Variants in TSHZ2 observed in about 807,000 individuals in gnomAD.
The protein encoded by TSHZ2 is teashirt homolog 2.
Under a neutral mutation model 74.4 loss-of-function variants are expected in TSHZ2, and 21 were observed. The observed-to-expected ratio is 0.28, with a 90% CI of 0.20 to 0.41. TSHZ2 has a LOEUF of 0.41. Ranked by LOEUF, TSHZ2 falls within the 10% of genes least tolerant of loss-of-function variation. The pLI is 1.00. For synonymous variants in TSHZ2, 540 were observed against 515.3 expected, an observed-to-expected ratio of 1.05 and a Z score of -0.65; for missense variants, 1,244 against 1,293.5, an observed-to-expected ratio of 0.96 and a Z score of 0.59.
intron 1 of TSHZ2, among the ~76,000 whole-genome samples, chr20:53,142,805 C>A (rs562736000): frequency 6.7e-6 from 1 of 148,524 alleles, no homozygotes; most frequent in Non-Finnish European, 1.5e-5. Context: ...ACCCACAAGC[C>A]GGTAACAGTA....
At chr20:53,057,568 A>ACTT (rs529876438) in intron 1 of TSHZ2, among the ~76,000 whole-genome samples, 2 of 152,258 alleles carry the variant, frequency 1.3e-5, no homozygotes, top group Non-Finnish European at 2.9e-5. Flanking sequence ...TATAATCATA[A>ACTT]CTTCTTTTTA....
At chr20:53,309,677 G>T (rs930682059) in intron 2 of TSHZ2, among the ~76,000 whole-genome samples, 6 of 152,166 alleles carry the variant, frequency 3.9e-5, no homozygotes, top group Non-Finnish European at 8.8e-5. Flanking sequence ...TAATATTGCT[G>T]CTTCTTCAAC....
At chr20:53,128,057 C>G (rs1048192716) in intron 1 of TSHZ2, among the ~76,000 whole-genome samples, 1 of 152,034 alleles carries the variant, frequency 6.6e-6, no homozygotes, top group Non-Finnish European at 1.5e-5. Flanking sequence ...AATCGTAAAA[C>G]TTGTTGTAAT....
intron 2 of TSHZ2, among the ~76,000 whole-genome samples, chr20:53,305,190 G>A (rs917685525): frequency 6.6e-6 from 1 of 151,872 alleles, no homozygotes; most frequent in Non-Finnish European, 1.5e-5. Flanking sequence ...TGCCTGCCTC[G>A]GCCTCCCAAA....
At chr20:53,365,403 C>A (rs1484483653) in intron 2 of TSHZ2, among the ~76,000 whole-genome samples, 1 of 152,104 alleles carries the variant, frequency 6.6e-6, no homozygotes, top group Non-Finnish European at 1.5e-5. Flanking sequence ...AATACACATG[C>A]CAGGGTTTCT....
At chr20:53,251,880 T>C (rs1287037991) in intron 1 of TSHZ2, among the ~76,000 whole-genome samples, 2 of 152,210 alleles carry the variant, frequency 1.3e-5, no homozygotes, top group Admixed American at 6.5e-5. Context: ...CTTCATTAGG[T>C]TGGCAATACA....
intron 1 of TSHZ2, among the ~76,000 whole-genome samples, chr20:53,239,527 G>A (rs1184659284): frequency 6.6e-6 from 1 of 152,138 alleles, no homozygotes; most frequent in Non-Finnish European, 1.5e-5. Context: ...ACCTGGGAGG[G>A]GAGGTCAAGA....
intron 2 of TSHZ2, among the ~76,000 whole-genome samples, chr20:53,331,602 C>T (rs1979725092): frequency 6.6e-6 from 1 of 152,042 alleles, no homozygotes; most frequent in Non-Finnish European, 1.5e-5. Flanking sequence ...GGTGTCAGAC[C>T]CTGGTGTGTG....
chr20:53,437,230 T>C (rs1446583894), intron 2 of TSHZ2, among the ~76,000 whole-genome samples: 1 of 152,140 alleles, frequency 6.6e-6, no homozygotes, highest in East Asian at 1.9e-4. Flanking sequence ...TCCAGCACTT[T>C]GGGAGGCCGA....
rs573946021 is a variant in TSHZ2 at position 53,470,229 on chromosome 20, G to A, written c.*9-16915G>A. The stretch of plus-strand genomic sequence containing the variant: ...CACTCACCCACATGAAGCTGTGTCT[G>A]GCATATCAAAAGTAAAGTATTCAAT... On this transcript the variant is annotated intron_variant, in intron 2 of 2. Coordinates refer to ENST00000371497, the MANE Select transcript of TSHZ2 (RefSeq NM_173485.6). 1.3e-3 allele frequency among the ~76,000 whole-genome samples: 200 copies of A among 152,242 alleles called. 1 individual carries two copies. The highest frequency in any genetic ancestry group is 4.4e-3 in the African/African-American group (182 of 41,544).
intron 1 of TSHZ2, chr20:53,185,406 G>C: frequency 7.9e-7 from 1 of 1,272,606 alleles, no homozygotes. Context: ...CAGGCGAGGT[G>C]GTTCAAGCCT....
chr20:53,323,102 C>A (rs1363905689), intron 2 of TSHZ2, among the ~76,000 whole-genome samples: 1 of 152,190 alleles, frequency 6.6e-6, no homozygotes, highest in East Asian at 1.9e-4. Flanking sequence ...TGCTCCAGAT[C>A]TTGATATGGA....
chr20:53,031,603 A>AC (rs571330196), intron 1 of TSHZ2, among the ~76,000 whole-genome samples: 211 of 152,322 alleles, frequency 1.4e-3, no homozygotes, highest in Non-Finnish European at 2.1e-3. Context: ...AGTCACTCAC[A>AC]CAGACGGCAA....
chr20:52,996,357 C>A (rs1485658911), intron 1 of TSHZ2, among the ~76,000 whole-genome samples: 2 of 136,420 alleles, frequency 1.5e-5, no homozygotes, highest in Non-Finnish European at 3.2e-5. Flanking sequence ...ATTTATTAGG[C>A]AAAATGGGAA....
chr20:52,996,371 A>G (rs1982195893), intron 1 of TSHZ2, among the ~76,000 whole-genome samples: 1 of 151,630 alleles, frequency 6.6e-6, no homozygotes, highest in South Asian at 2.1e-4. Context: ...ATGGGAATTG[A>G]GAAGCCTGAA....
At chr20:53,154,355 T>C (rs1987744536) in intron 1 of TSHZ2, among the ~76,000 whole-genome samples, 1 of 152,146 alleles carries the variant, frequency 6.6e-6, no homozygotes, top group African/African-American at 2.4e-5. Flanking sequence ...TCATTAGAAA[T>C]AAGTGTCTTT....
At chr20:53,197,402 T>A (rs1988898645) in intron 1 of TSHZ2, among the ~76,000 whole-genome samples, 1 of 152,234 alleles carries the variant, frequency 6.6e-6, no homozygotes, top group Admixed American at 6.5e-5. Flanking sequence ...TTAACAAAAC[T>A]ATGTTTTCTT....
intron 1 of TSHZ2, among the ~76,000 whole-genome samples, chr20:53,021,815 C>T (rs1051032186): frequency 3.9e-5 from 6 of 152,166 alleles, no homozygotes; most frequent in Admixed American, 1.3e-4. Context: ...TTAAGTAACA[C>T]TGATGTATCC....
At chr20:53,157,081 G>A (rs1035467405) in intron 1 of TSHZ2, among the ~76,000 whole-genome samples, 1 of 152,176 alleles carries the variant, frequency 6.6e-6, no homozygotes, top group Non-Finnish European at 1.5e-5. Context: ...TGCAAGTCCT[G>A]CTTTCGTATC....
Sources: allele counts gnomAD v4.1 joint callset (sites outside exome capture counted in the v4.1 genomes callset), GRCh38; gene constraint gnomAD v4.1.1; transcripts MANE v1.5; gene names NCBI Gene and HGNC (gene_info 2026-07-23, HGNC 2026-07-21).